ZFYVE26: variants seen among roughly 807,000 people sequenced by gnomAD.
ZFYVE26 encodes zinc finger FYVE domain-containing protein 26.
In ZFYVE26, 181 loss-of-function variants were observed where a neutral mutation model predicts 276.5. The observed-to-expected ratio is 0.65, with a 90% CI of 0.58 to 0.74. The LOEUF (loss-of-function observed/expected upper bound fraction) is 0.74, where lower values mean the gene tolerates loss of function less well. Ranked by LOEUF, ZFYVE26 falls within the 30% of genes least tolerant of loss-of-function variation. The pLI is 0.00. For synonymous variants in ZFYVE26, 1,129 were observed against 1,203.1 expected (o/e 0.94, Z 1.27); for missense variants, 2,821 against 3,097.9 (o/e 0.91, Z 2.12).
chr14:67,759,341 T>C (rs1418113932), intron 35 of ZFYVE26, among the ~76,000 whole-genome samples: 2 of 146,850 alleles, frequency 1.4e-5, no homozygotes, highest in African/African-American at 5.0e-5. Context: ...AGACAGTGCA[T>C]GGTGGCCAGG....
At position 67,774,202 on chromosome 14, in the gene ZFYVE26, A is replaced by T. The variant is rs187032866; in HGVS notation, c.5320+814T>A. Among the ~76,000 whole-genome samples the T allele has an allele frequency of 8.5e-4, 129 of 152,320 alleles. 1 individual carries two copies. Among genetic ancestry groups the T allele is most frequent in the African/African-American group, 2.5e-3 (104 of 41,570 alleles). On this transcript the variant is annotated intron_variant, in intron 27 of 41. Coordinates refer to ENST00000347230, the MANE Select transcript of ZFYVE26 (RefSeq NM_015346.4). ...TCAAATTCCCAACTGAGGTTGTTTC[A>T]ACCTCTATATAACAGTGACCTGGCT...
Position 67,777,464 on chromosome 14 carries a change from G to A in ZFYVE26, c.4974+95C>T, listed in dbSNP as rs73278454. ...CAAGTTCTGAAGAAGAGCTAGGCTC[G>A]CAGTCTCTCCCTCAGGTATGCCTTC... is the stretch of plus-strand genomic sequence containing the variant. On this transcript the variant is annotated intron_variant, in intron 25 of 41. Coordinates refer to ENST00000347230, the MANE Select transcript of ZFYVE26 (RefSeq NM_015346.4). The A allele has an allele frequency of 2.1e-3, 3,263 of 1,590,930 alleles. 37 individuals are homozygous for A. The African/African-American group carries it at 0.031, about 15-fold the overall frequency.
In ZFYVE26 at chr14:67,773,555, A is replaced by G. The variant is rs1454869590; in HGVS notation, c.5321-1345T>C. Among the ~76,000 whole-genome samples, 7 of 146,566 alleles carry G rather than the reference A, an allele frequency of 4.8e-5. 1 individual carries two copies. The highest frequency in any genetic ancestry group is 1.5e-4 in the African/African-American group (6 of 39,816). On this transcript the variant is annotated intron_variant, in intron 27 of 41. Transcript: ENST00000347230. ...TCTCCAAAAAAAAAAAAAAAGGCGC[A>G]CACACACACACACACACCCCAAAGC...
At position 67,780,470 on chromosome 14, in the gene ZFYVE26, T is replaced by C. The variant is rs534797609; in HGVS notation, c.4570-125A>G. 9.8e-4 allele frequency: 858 copies of C among 878,390 alleles called. 4 individuals are homozygous for C. The highest frequency in any genetic ancestry group is 6.5e-3 in the South Asian group (459 of 70,312). The allele number at this position is 878,390 out of a possible 1,614,324, so 54.4% of individuals were successfully genotyped here. A position where few individuals can be genotyped will look rare whatever the true frequency, so the allele number is the denominator to read the frequency against. On this transcript the variant is annotated intron_variant, in intron 22 of 41. Transcript: ENST00000347230. ...GCCCCAAAGTCAGGCTGTCAGAACT[T>C]GCCAGAAAAGAGAGCAAATTGGGCA...
chr14:67,731,758 C>T (rs927467953), intron 13 of ZFYVE26, among the ~76,000 whole-genome samples: 2 of 151,962 alleles, frequency 1.3e-5, no homozygotes, highest in Non-Finnish European at 2.9e-5. Context: ...GTGGTTACTT[C>T]CAGGGAGTTT....
chr14:67,799,277 G>A (rs1297084719), intron 10 of ZFYVE26: 8 of 1,613,314 alleles, frequency 5.0e-6, no homozygotes, highest in Non-Finnish European at 6.8e-6. Context: ...TGTGCTTTGC[G>A]TGCAGTACAC....
At chr14:67,759,586 C>T (rs12433998) in intron 35 of ZFYVE26, among the ~76,000 whole-genome samples, 43,091 of 145,222 alleles carry the variant, frequency 0.3, 6,827 homozygotes, top group East Asian at 0.51. Context: ...ATCTCACCAC[C>T]GCGCTCCAGC....
intron 35 of ZFYVE26, chr14:67,760,728 G>A (rs972545142): frequency 1.8e-5 from 3 of 167,908 alleles, no homozygotes; most frequent in Non-Finnish European, 2.6e-5. Flanking sequence ...TCCCCATCTC[G>A]AAAAAACAAA....
At chr14:67,785,798 C>G in intron 18 of ZFYVE26, 60 bp downstream of exon 18, 1 of 1,611,264 alleles carries the variant, frequency 6.2e-7, no homozygotes, top group Non-Finnish European at 8.5e-7. Flanking sequence ...CTTCGTTACT[C>G]TCAGCTGTTT....
At position 67,775,880 on chromosome 14, in the gene ZFYVE26, G is replaced by A. The variant is rs2039328120; in HGVS notation, c.5201C>T (p.Pro1734Leu). Residue 1734 changes from proline to leucine, a missense_variant, in exon 26 of 42, where the codon CCT becomes CTT. Coordinates refer to ENST00000347230, the MANE Select transcript of ZFYVE26 (RefSeq NM_015346.4). The part of the protein sequence containing the change: ...YAEKALDFPY[P>L]QREKRSDSVI... The stretch of plus-strand genomic sequence containing the variant: ...GTTACCTGATCGTTTCTCCCTCTGA[G>A]GGTATGGAAAGTCCAGGGCTTTCTC... 3 of 1,614,102 alleles carry A rather than the reference G, an allele frequency of 1.9e-6. No individual in the cohort carries two copies. Among genetic ancestry groups the A allele is most frequent in the Non-Finnish European group, 2.5e-6 (3 of 1,180,046 alleles).
chr14:67,799,153 T>C, intron 10 of ZFYVE26: 1 of 1,546,274 alleles, frequency 6.5e-7, no homozygotes, highest in Non-Finnish European at 8.9e-7. Flanking sequence ...AAAAGATATC[T>C]TTAGAGGACA....
chr14:67,761,315 G>T, intron 35 of ZFYVE26, 51 bp downstream of exon 35: 1 of 1,540,618 alleles, frequency 6.5e-7, no homozygotes, highest in Non-Finnish European at 8.9e-7. Flanking sequence ...AGTGGTCCAA[G>T]CCAGAGGAGT....
chr14:67,766,990 C>G (rs2039077564), intron 31 of ZFYVE26, among the ~76,000 whole-genome samples: 1 of 152,092 alleles, frequency 6.6e-6, no homozygotes, highest in South Asian at 2.1e-4. Context: ...AGGTGGGCAC[C>G]ACTGCGCCCA....
Position 67,798,553 on chromosome 14 carries a change from A to G in ZFYVE26, c.1709T>C (p.Leu570Pro). Residue 570 changes from leucine to proline, a missense_variant, in exon 11 of 42, where the codon CTG becomes CCG. Coordinates refer to ENST00000347230, the MANE Select transcript of ZFYVE26 (RefSeq NM_015346.4). Reference sequence around the variant, plus strand: ...GATGTTTTCCAGAAGCTCCAGGCACAGAGAGTCAGGAATACTGCACAGATA... The same window carrying G: ...GATGTTTTCCAGAAGCTCCAGGCACGGAGAGTCAGGAATACTGCACAGATA... ...QQYLCSIPDS[L>P]CLELLENIFS... 1 of 1,614,198 alleles carries G rather than the reference A, an allele frequency of 6.2e-7. No homozygotes were observed.
At chr14:67,735,236 A>G in intron 13 of ZFYVE26, 1 of 1,414,748 alleles carries the variant, frequency 7.1e-7, no homozygotes, top group East Asian at 2.3e-5. Context: ...AGGTGCTCCC[A>G]CGAGACACAG....
chr14:67,751,096 C>T lies in ZFYVE26; in HGVS notation c.7372G>A (p.Glu2458Lys), dbSNP rs1236090513. The T allele has an allele frequency of 3.1e-6, 5 of 1,614,082 alleles. No homozygotes were observed. The highest frequency in any genetic ancestry group is 2.2e-5 in the East Asian group (1 of 44,900). ...ATTGCCTGGATCAGGCCCTCCAGCT[C>T]CTGTGCAGAACAGAAACAGCACTGT... Reference protein sequence around the residue: ...LEAFKRIPPQELEGLIQAIHN... With the variant: ...LEAFKRIPPQKLEGLIQAIHN... The change falls in exon 41 of 42, where the codon GAG becomes AAG. Residue 2458 changes from glutamate to lysine, a missense_variant and splice_region_variant. Transcript: ENST00000347230.
intron 3 of ZFYVE26, among the ~76,000 whole-genome samples, chr14:67,810,873 A>T (rs1005048048): frequency 1.3e-4 from 20 of 151,806 alleles, no homozygotes; most frequent in Non-Finnish European, 2.7e-4. Context: ...TGTGTGTGTG[A>T]GAGTGTGTGT....
At chr14:67,792,285 C>CTTTA (rs1044179351) in intron 14 of ZFYVE26, among the ~76,000 whole-genome samples, 2 of 152,080 alleles carry the variant, frequency 1.3e-5, no homozygotes, top group African/African-American at 4.8e-5. Context: ...CTACCAAATA[C>CTTTA]TTTACTACCA....
intron 10 of ZFYVE26, chr14:67,799,620 C>T (rs2040039053): frequency 1.4e-6 from 2 of 1,454,346 alleles, no homozygotes; most frequent in Middle Eastern, 2.4e-4. Context: ...TAGAATTTTT[C>T]TCTTCAAAGG....
Sources: allele counts gnomAD v4.1 joint callset (sites outside exome capture counted in the v4.1 genomes callset), GRCh38; gene constraint gnomAD v4.1.1; transcripts MANE v1.5; gene names NCBI Gene and HGNC (gene_info 2026-07-23, HGNC 2026-07-21).